The following C3orf49 variants were observed in gnomAD, a reference collection of about 807,000 sequenced individuals.
C3orf49 encodes putative uncharacterized protein C3orf49.
A neutral mutation model predicts 13.3 loss-of-function variants in C3orf49; 27 were observed. That is an observed-to-expected ratio of 2.02 (90% CI 1.49 to 2.79). C3orf49 has a LOEUF of 2.79. Among genes scored for constraint, C3orf49 ranks in the 30% most tolerant of loss-of-function variants. C3orf49 has a pLI of 0.00. For synonymous variants in C3orf49, 87 were observed against 47.6 expected (o/e 1.83, Z -3.40); for missense variants, 242 against 134.2 (o/e 1.80, Z -3.97).
intron 1 of C3orf49, among the ~76,000 whole-genome samples, chr3:63,821,907 A>G (rs551417267): frequency 6.6e-6 from 1 of 152,158 alleles, no homozygotes; most frequent in Non-Finnish European, 1.5e-5. Context: ...GTGAAAATAT[A>G]GTTTTGCAAG....
the C3orf49 span, chr3:63,787,038 A>G: frequency 1.3e-5 from 2 of 152,232 alleles, no homozygotes; most frequent in African/African-American, 4.8e-5. Context: ...CACAGAGATC[A>G]TTTAATAGAG....
chr3:63,848,041 T>C (rs1043204812), intron 6 of C3orf49, among the ~76,000 whole-genome samples: 2 of 152,198 alleles, frequency 1.3e-5, no homozygotes, highest in African/African-American at 4.8e-5. Flanking sequence ...AACAGACTCT[T>C]TGTACCAATA....
At chr3:63,816,463 G>A (rs913613494), upstream of C3orf49, among the ~76,000 whole-genome samples, 2 of 151,894 alleles carry the variant, frequency 1.3e-5, no homozygotes, top group Non-Finnish European at 1.5e-5. Flanking sequence ...GTGGTGGCAC[G>A]TGCCTGTAAC....
intron 6 of C3orf49, chr3:63,846,106 A>C (rs1198757058): frequency 2.7e-6 from 1 of 365,752 alleles, no homozygotes; most frequent in African/African-American, 2.2e-5. Flanking sequence ...TCCCTTACCA[A>C]GGATGGTAAA....
At chr3:63,783,589 G>A in the C3orf49 span, among the ~76,000 whole-genome samples, 1 of 150,364 alleles carries the variant, frequency 6.7e-6, no homozygotes, top group African/African-American at 2.5e-5. Context: ...GTGGTGGCGG[G>A]CACATGTAGT....
rs1161141522 is a variant in C3orf49 at position 63,819,317 on chromosome 3, A to G, written c.-155A>G. 6 of 581,542 alleles carry G rather than the reference A, an allele frequency of 1.0e-5. No homozygotes were observed. The highest frequency in any genetic ancestry group is 1.8e-5 in the Non-Finnish European group (6 of 325,858). 36.0% of individuals were successfully genotyped at this position (581,542 alleles called of 1,614,324 possible). On this transcript the variant is annotated 5_prime_UTR_variant, in exon 1 of 7. Coordinates refer to ENST00000295896, the MANE Select transcript of C3orf49 (RefSeq NM_001355236.2). ...ATAATGTCTCTAACACCTGGAAGGG[A>G]ATAAGGGAAAGACTCTAAAAATTTC... is the stretch of plus-strand genomic sequence containing the variant.
At chr3:63,840,962 A>C (rs1475334830) in intron 5 of C3orf49, among the ~76,000 whole-genome samples, 1 of 152,280 alleles carries the variant, frequency 6.6e-6, no homozygotes, top group Non-Finnish European at 1.5e-5. Flanking sequence ...GCACTCATGC[A>C]CAAAGACAGA....
chr3:63,795,169 A>C, the C3orf49 span, among the ~76,000 whole-genome samples: 3 of 152,090 alleles, frequency 2.0e-5, no homozygotes, highest in African/African-American at 7.2e-5. Flanking sequence ...AGATGTTTGC[A>C]TAGGAATGTG....
At chr3:63,781,340 T>C in the C3orf49 span, among the ~76,000 whole-genome samples, 1 of 152,054 alleles carries the variant, frequency 6.6e-6, no homozygotes, top group South Asian at 2.1e-4. Context: ...TTCTGTTCCA[T>C]TGATCTATAT....
At chr3:63,838,786 CT>C (rs553436466) in intron 5 of C3orf49, among the ~76,000 whole-genome samples, 7 of 152,096 alleles carry the variant, frequency 4.6e-5, no homozygotes, top group African/African-American at 1.7e-4. Context: ...TTTAGAAATA[CT>C]TTAAGATGTT....
At chr3:63,838,147 C>G (rs1701672953) in intron 5 of C3orf49, 22 of 1,274,930 alleles carry the variant, frequency 1.7e-5, no homozygotes, top group Non-Finnish European at 2.4e-5. Flanking sequence ...AAATTAACCT[C>G]TATTGGTAAC....
intron 2 of C3orf49, among the ~76,000 whole-genome samples, chr3:63,824,048 G>A (rs1270323013): frequency 2.0e-5 from 3 of 151,976 alleles, no homozygotes; most frequent in African/African-American, 7.3e-5. Context: ...TGATCCGTTC[G>A]CCTCGGCCTC....
At chr3:63,789,832 A>G in the C3orf49 span, among the ~76,000 whole-genome samples, 14 of 151,470 alleles carry the variant, frequency 9.2e-5, 1 homozygote, top group African/African-American at 3.4e-4. Context: ...AAAAAAAAAA[A>G]AAGGAAGTAC....
At chr3:63,810,800 T>G in the C3orf49 span, among the ~76,000 whole-genome samples, 1 of 152,236 alleles carries the variant, frequency 6.6e-6, no homozygotes, top group African/African-American at 2.4e-5. Flanking sequence ...CGATAATCTC[T>G]AGAAAAGGGG....
chr3:63,820,760 G>A (rs1701382290), intron 1 of C3orf49, among the ~76,000 whole-genome samples: 1 of 152,122 alleles, frequency 6.6e-6, no homozygotes, highest in African/African-American at 2.4e-5. Context: ...AGGAAATGGT[G>A]CTCCCTCCTC....
At chr3:63,840,745 C>A (rs771751982) in intron 5 of C3orf49, among the ~76,000 whole-genome samples, 1 of 152,188 alleles carries the variant, frequency 6.6e-6, no homozygotes, top group Non-Finnish European at 1.5e-5. Context: ...GTTAAAACCA[C>A]AGTAAAACGT....
chr3:63,792,989 T>A, the C3orf49 span, among the ~76,000 whole-genome samples: 1 of 152,226 alleles, frequency 6.6e-6, no homozygotes, highest in Non-Finnish European at 1.5e-5. Flanking sequence ...AATCTTCATT[T>A]TTATTTCTGC....
chr3:63,809,627 A>G, the C3orf49 span, among the ~76,000 whole-genome samples: 1 of 152,090 alleles, frequency 6.6e-6, no homozygotes, highest in Non-Finnish European at 1.5e-5. Context: ...TTCGTTATCT[A>G]TCTGGCCTCA....
chr3:63,833,975 C>T, intron 5 of C3orf49: 1 of 660,856 alleles, frequency 1.5e-6, no homozygotes, highest in Non-Finnish European at 2.4e-6. Context: ...AGTCATTTTC[C>T]TTTGTGAGAG....
Sources: allele counts gnomAD v4.1 joint callset (sites outside exome capture counted in the v4.1 genomes callset), GRCh38; gene constraint gnomAD v4.1.1; transcripts MANE v1.5; gene names NCBI Gene and HGNC (gene_info 2026-07-23, HGNC 2026-07-21).